The following GRIN2A variants were observed in gnomAD, a reference collection of about 807,000 sequenced individuals.
The protein encoded by GRIN2A is glutamate ionotropic receptor NMDA type subunit 2A.
GRIN2A carries 22 observed loss-of-function variants against 113.4 expected under a neutral mutation model. The observed-to-expected ratio is 0.19, with a 90% CI of 0.14 to 0.28. The LOEUF is 0.28. GRIN2A is among the 10% of genes least tolerant of loss of function. GRIN2A has a pLI of 1.00. For synonymous variants in GRIN2A, 827 were observed against 738.4 expected (o/e 1.12, Z -1.94); for missense variants, 1,502 against 1,887.0 (o/e 0.80, Z 3.78).
In GRIN2A at chr16:10,046,328, G is replaced by GT. The variant is rs36075422; in HGVS notation, c.415-107778dup. ...AAAGGATGAAATACATTTTTAAATT[G>GT]TTTTTTTTTTTTTCTTAAAGCCATG... On this transcript the variant is annotated intron_variant, in intron 2 of 12. Transcript: ENST00000330684. Among the ~76,000 whole-genome samples, 949 of 145,734 alleles carry GT rather than the reference G, an allele frequency of 6.5e-3. 5 individuals are homozygous for GT. Among genetic ancestry groups the GT allele is most frequent in the African/African-American group, 0.019 (762 of 39,692 alleles).
In GRIN2A at chr16:10,149,633, G is replaced by C. The variant is rs78275260; in HGVS notation, c.414+30365C>G. Among the ~76,000 whole-genome samples the C allele has an allele frequency of 9.4e-3, 1,431 of 152,216 alleles. 32 individuals are homozygous for C. Among genetic ancestry groups the C allele is most frequent in the African/African-American group, 0.033 (1,378 of 41,526 alleles). ...TCCAAGCACATCCCCAAACTGGTCA[G>C]TTTCACCACCTCCACCAGTACCTCC... On this transcript the variant is annotated intron_variant, in intron 2 of 12. Transcript: ENST00000330684.
At chr16:10,072,946 C>CCCCCTTT (rs565877354) in intron 2 of GRIN2A, among the ~76,000 whole-genome samples, 8 of 104,230 alleles carry the variant, frequency 7.7e-5, no homozygotes, top group Non-Finnish European at 1.1e-4. Flanking sequence ...ACAAGACCCC[C>CCCCCTTT]TTTTTTTTTT....
intron 2 of GRIN2A, among the ~76,000 whole-genome samples, chr16:9,967,611 C>T (rs933375814): frequency 8.5e-5 from 13 of 152,096 alleles, no homozygotes; most frequent in Admixed American, 6.6e-4. Flanking sequence ...GAGGCTGAGG[C>T]AGTAGAATCG....
chr16:9,808,220 A>G (rs1010452127), intron 10 of GRIN2A, among the ~76,000 whole-genome samples: 1 of 152,240 alleles, frequency 6.6e-6, no homozygotes, highest in African/African-American at 2.4e-5. Flanking sequence ...ATCTCATTTA[A>G]TCTTTACAGT....
intron 2 of GRIN2A, among the ~76,000 whole-genome samples, chr16:10,165,414 C>A (rs1366976096): frequency 1.3e-5 from 2 of 150,492 alleles, no homozygotes; most frequent in African/African-American, 4.9e-5. Context: ...CTGATTCTCA[C>A]AAAATCCTCT....
intron 2 of GRIN2A, among the ~76,000 whole-genome samples, chr16:10,175,809 G>A (rs541403725): frequency 6.6e-6 from 1 of 152,188 alleles, no homozygotes; most frequent in African/African-American, 2.4e-5. Flanking sequence ...GAAGTGATGG[G>A]GGGTGAGAGG....
chr16:10,010,107 T>A (rs552051537), intron 2 of GRIN2A, among the ~76,000 whole-genome samples: 1 of 152,380 alleles, frequency 6.6e-6, no homozygotes, highest in Non-Finnish European at 1.5e-5. Context: ...TCCCTAGTAC[T>A]GTGCCCTCAG....
At chr16:10,160,840 C>T (rs2049795541) in intron 2 of GRIN2A, among the ~76,000 whole-genome samples, 1 of 152,194 alleles carries the variant, frequency 6.6e-6, no homozygotes, top group South Asian at 2.1e-4. Context: ...CTTCTCCCCT[C>T]CAGGCACAAA....
At chr16:10,172,213 T>C (rs1596577687) in intron 2 of GRIN2A, among the ~76,000 whole-genome samples, 1 of 152,226 alleles carries the variant, frequency 6.6e-6, no homozygotes, top group East Asian at 1.9e-4. Flanking sequence ...ACACAGGTAT[T>C]TTTGAAAATT....
At chr16:9,772,870 A>G (rs1901358322) in intron 11 of GRIN2A, among the ~76,000 whole-genome samples, 1 of 151,016 alleles carries the variant, frequency 6.6e-6, no homozygotes, top group South Asian at 2.1e-4. Context: ...CCCTTTGCCC[A>G]AACAATACCT....
intron 11 of GRIN2A, among the ~76,000 whole-genome samples, chr16:9,780,064 T>G (rs1022723587): frequency 6.6e-6 from 1 of 152,220 alleles, no homozygotes; most frequent in Non-Finnish European, 1.5e-5. Flanking sequence ...CAGCCACTGA[T>G]GAAGACACCT....
intron 2 of GRIN2A, among the ~76,000 whole-genome samples, chr16:10,094,203 G>T (rs7203315): frequency 0.17 from 25,431 of 152,098 alleles, 2,588 homozygotes; most frequent in African/African-American, 0.29. Flanking sequence ...GTAATGGAGT[G>T]AATCAACAAG....
intron 1 of GRIN2A, among the ~76,000 whole-genome samples, chr16:10,181,392 C>G (rs1182418553): frequency 6.6e-6 from 1 of 152,220 alleles, no homozygotes; most frequent in Non-Finnish European, 1.5e-5. Flanking sequence ...CAGCCCCTCC[C>G]TAGCCTTTCT....
intron 3 of GRIN2A, among the ~76,000 whole-genome samples, chr16:9,895,305 T>C (rs1053288205): frequency 5.3e-5 from 8 of 152,148 alleles, no homozygotes; most frequent in African/African-American, 1.2e-4. Flanking sequence ...TGAGCAGCTC[T>C]TGCTCATGCA....
chr16:10,121,914 T>G (rs545149829), intron 2 of GRIN2A, among the ~76,000 whole-genome samples: 1 of 152,344 alleles, frequency 6.6e-6, no homozygotes, highest in East Asian at 1.9e-4. Flanking sequence ...ATTAAAAGTT[T>G]GCATAAAATC....
intron 4 of GRIN2A, among the ~76,000 whole-genome samples, chr16:9,874,418 T>C (rs1300209250): frequency 6.6e-6 from 1 of 152,146 alleles, no homozygotes; most frequent in Non-Finnish European, 1.5e-5. Context: ...TACATCTCAG[T>C]GGGATGCTCT....
intron 2 of GRIN2A, among the ~76,000 whole-genome samples, chr16:9,972,979 TGTCTGGA>T (rs1596376681): frequency 6.6e-6 from 1 of 152,328 alleles, no homozygotes; most frequent in East Asian, 1.9e-4. Context: ...TCTGATTGGC[TGTCTGGA>T]GATGAAATCA....
At chr16:9,998,468 T>G (rs114210760) in intron 2 of GRIN2A, among the ~76,000 whole-genome samples, 324 of 152,314 alleles carry the variant, frequency 2.1e-3, no homozygotes, top group African/African-American at 7.5e-3. Context: ...GAAGTAGAGA[T>G]CGAAGGTCCT....
chr16:9,927,633 T>C (rs2044493846), intron 3 of GRIN2A, among the ~76,000 whole-genome samples: 1 of 152,188 alleles, frequency 6.6e-6, no homozygotes, highest in African/African-American at 2.4e-5. Flanking sequence ...CATCTAAGGA[T>C]GAAAGATAAT....
Sources: allele counts gnomAD v4.1 joint callset (sites outside exome capture counted in the v4.1 genomes callset), GRCh38; gene constraint gnomAD v4.1.1; transcripts MANE v1.5; gene names NCBI Gene and HGNC (gene_info 2026-07-23, HGNC 2026-07-21).